The following CAMTA1 variants were observed in gnomAD, a reference collection of about 807,000 sequenced individuals.
The protein encoded by CAMTA1 is calmodulin-binding transcription activator 1.
In CAMTA1, 27 loss-of-function variants were observed where a neutral mutation model predicts 170.9. The ratio of observed to expected loss-of-function variants is 0.16; its 90% CI spans 0.12 to 0.22. The LOEUF (loss-of-function observed/expected upper bound fraction) is 0.22. CAMTA1 is among the 10% of genes least tolerant of loss of function. CAMTA1 has a pLI of 1.00. For synonymous variants in CAMTA1, 833 were observed against 891.5 expected, an observed-to-expected ratio of 0.93 and a Z score of 1.17; for missense variants, 1,619 against 2,217.2, an observed-to-expected ratio of 0.73 and a Z score of 5.42.
rs191470731 is a variant in CAMTA1, at chr1:6,821,724, G to C, written c.115+1474G>C. On this transcript the variant is annotated intron_variant, in intron 2 of 22. Transcript: ENST00000303635. ...AGTTAATATAGTTATAATTTACCTT[G>C]GCAGAAGTCACAGAATTTTCGAAGG... Among the ~76,000 whole-genome samples the C allele has an allele frequency of 4.5e-4, 69 of 152,108 alleles. 1 individual carries two copies. The East Asian group carries it at 9.3e-3, about 20-fold the overall frequency.
intron 5 of CAMTA1, among the ~76,000 whole-genome samples, chr1:7,434,283 AG>A (rs2092277288): frequency 6.6e-6 from 1 of 152,232 alleles, no homozygotes; most frequent in Non-Finnish European, 1.5e-5. Context: ...TGCAGGATAC[AG>A]GAGCCACGGG....
At chr1:6,949,199 C>A (rs1688048458) in intron 3 of CAMTA1, among the ~76,000 whole-genome samples, 1 of 152,180 alleles carries the variant, frequency 6.6e-6, no homozygotes, top group Non-Finnish European at 1.5e-5. Flanking sequence ...CTTGAGTGTT[C>A]CTGGGGGAAG....
chr1:7,589,045 A>G (rs559322481), intron 6 of CAMTA1, among the ~76,000 whole-genome samples: 2 of 152,334 alleles, frequency 1.3e-5, no homozygotes, highest in South Asian at 2.1e-4. Context: ...AACTGCTTCC[A>G]TTAGCATTCG....
intron 5 of CAMTA1, among the ~76,000 whole-genome samples, chr1:7,408,927 T>G (rs1196697003): frequency 6.6e-6 from 1 of 152,168 alleles, no homozygotes; most frequent in Non-Finnish European, 1.5e-5. Flanking sequence ...GCCAGCCAGG[T>G]GTTCCAACCT....
At chr1:7,054,137 G>T (rs545384646) in intron 3 of CAMTA1, among the ~76,000 whole-genome samples, 1 of 152,178 alleles carries the variant, frequency 6.6e-6, no homozygotes. Context: ...GGTCCCCTGG[G>T]CCTGCCCACT....
chr1:7,659,987 A>G (rs1166593664), intron 7 of CAMTA1, among the ~76,000 whole-genome samples: 1 of 152,112 alleles, frequency 6.6e-6, no homozygotes, highest in East Asian at 1.9e-4. Flanking sequence ...CAGACCAGGT[A>G]CACACCTATA....
At chr1:6,848,613 A>G (rs2148779156) in intron 3 of CAMTA1, among the ~76,000 whole-genome samples, 1 of 152,342 alleles carries the variant, frequency 6.6e-6, no homozygotes, top group African/African-American at 2.4e-5. Flanking sequence ...GCAGTAGCGA[A>G]GGATCTGACT....
intron 4 of CAMTA1, among the ~76,000 whole-genome samples, chr1:7,169,768 C>G (rs968646084): frequency 6.6e-6 from 1 of 152,202 alleles, no homozygotes; most frequent in African/African-American, 2.4e-5. Context: ...CTCAAGTGAT[C>G]TGCTCTCTTC....
intron 3 of CAMTA1, among the ~76,000 whole-genome samples, chr1:6,907,537 C>T (rs937293559): frequency 6.6e-6 from 1 of 152,218 alleles, no homozygotes; most frequent in African/African-American, 2.4e-5. Flanking sequence ...GTCCAGACCG[C>T]CGCTCTATGA....
In CAMTA1 at chr1:6,944,789, A is replaced by G. The variant is rs145302540; in HGVS notation, c.234+119579A>G. Among the ~76,000 whole-genome samples, 744 of 152,334 alleles carry G rather than the reference A, an allele frequency of 4.9e-3. 8 individuals are homozygous for G. Among genetic ancestry groups the G allele is most frequent in the African/African-American group, 0.017 (693 of 41,578 alleles). On this transcript the variant is annotated intron_variant, in intron 3 of 22. Transcript: ENST00000303635. ...GTTTTGCAGTTTTTCCACTGTACCAATGGTGAAAGTGATACGCATTCAGTA... is the reference window on the plus strand; with the variant it reads ...GTTTTGCAGTTTTTCCACTGTACCAGTGGTGAAAGTGATACGCATTCAGTA...
chr1:7,586,356 G>T (rs539881728), intron 6 of CAMTA1, among the ~76,000 whole-genome samples: 1 of 152,302 alleles, frequency 6.6e-6, no homozygotes, highest in East Asian at 1.9e-4. Flanking sequence ...ATCGCAGAAG[G>T]CGCCTTATCT....
chr1:7,349,034 T>C (rs913354013), intron 5 of CAMTA1, among the ~76,000 whole-genome samples: 1 of 152,196 alleles, frequency 6.6e-6, no homozygotes, highest in African/African-American at 2.4e-5. Flanking sequence ...TGTAATCCCG[T>C]CATTTGTCTG....
In CAMTA1 at chr1:7,585,728, C is replaced by A. The variant is rs77495561; in HGVS notation, c.511-54672C>A. 6.6e-6 allele frequency among the ~76,000 whole-genome samples: 1 copy of A among 150,878 alleles called. No homozygotes were observed. The highest frequency in any genetic ancestry group is 1.9e-4 in the East Asian group (1 of 5,170). On this transcript the variant is annotated intron_variant, in intron 6 of 22. Transcript: ENST00000303635. The surrounding 1 kb of genome is among the most constrained non-coding windows in gnomAD (Gnocchi z 4.8). Reference sequence around the variant, plus strand: ...GGGAATGGCCAGGATGCGGGGTGCCCAGTTCATACATCCTAGAGGGGGGCT... The same window carrying A: ...GGGAATGGCCAGGATGCGGGGTGCCAAGTTCATACATCCTAGAGGGGGGCT...
chr1:6,863,647 T>C (rs1468539442), intron 3 of CAMTA1, among the ~76,000 whole-genome samples: 1 of 152,220 alleles, frequency 6.6e-6, no homozygotes, highest in East Asian at 1.9e-4. Flanking sequence ...CTTTTTAATT[T>C]AGGATAGTTT....
intron 5 of CAMTA1, among the ~76,000 whole-genome samples, chr1:7,278,589 G>A (rs937595219): frequency 3.3e-5 from 5 of 152,174 alleles, no homozygotes; most frequent in Admixed American, 1.3e-4. Context: ...CACTTAGCTC[G>A]TCACAGATCC....
In CAMTA1 at chr1:7,633,804, C is replaced by A. The variant is rs1289755852; in HGVS notation, c.511-6596C>A. Among the ~76,000 whole-genome samples, 2 of 152,212 alleles carry A rather than the reference C, an allele frequency of 1.3e-5. No homozygotes were observed. Among genetic ancestry groups the A allele is most frequent in the Non-Finnish European group, 2.9e-5 (2 of 68,048 alleles). The stretch of plus-strand genomic sequence containing the variant: ...AGGCCAAACCCGAGTAGTAATTGAG[C>A]GGAAACTGAGAGATTAGTGCTGCAA... On this transcript the variant is annotated intron_variant, in intron 6 of 22. Transcript: ENST00000303635. This position sits in a 1 kb window ranked among gnomAD's most constrained non-coding sequence, Gnocchi z 4.1.
intron 1 of CAMTA1, among the ~76,000 whole-genome samples, chr1:6,798,628 C>T (rs1482435862): frequency 3.3e-5 from 4 of 120,718 alleles, no homozygotes; most frequent in South Asian, 5.8e-4. Context: ...CTCGCTCTGT[C>T]GCCCAGGCCG....
Position 7,410,451 on chromosome 1 carries a change from C to G in CAMTA1, c.439-57379C>G, listed in dbSNP as rs1158310900. On this transcript the variant is annotated intron_variant, in intron 5 of 22. Transcript: ENST00000303635. ...CGTGGGTGCAGAGTGACACGTGGAG[C>G]CCATCTGATGGCTTTTGCGTTTGAA... is the stretch of plus-strand genomic sequence containing the variant. Among the ~76,000 whole-genome samples, 8 of 152,360 alleles carry G rather than the reference C, an allele frequency of 5.3e-5. No homozygotes were observed. The East Asian group carries it at 1.5e-3, about 29-fold the overall frequency.
At chr1:7,517,790 G>C (rs553169210) in intron 6 of CAMTA1, among the ~76,000 whole-genome samples, 1 of 151,872 alleles carries the variant, frequency 6.6e-6, no homozygotes, top group Admixed American at 6.6e-5. Context: ...CAGTCCTGGC[G>C]ATGTACTTTC....
Sources: gnomAD v4.1 joint callset for allele counts (sites outside exome capture counted in the v4.1 genomes callset) on GRCh38, gnomAD v4.1.1 for gene constraint, Gnocchi (gnomAD v3.1) non-coding constraint, MANE v1.5 for transcripts, NCBI Gene and HGNC (gene_info 2026-07-23, HGNC 2026-07-21) for gene names.